FRMD4B: variants seen among roughly 807,000 people sequenced by gnomAD.
The protein encoded by FRMD4B is FERM domain containing 4B.
A neutral mutation model predicts 141.5 loss-of-function variants in FRMD4B; 74 were observed. The ratio of observed to expected loss-of-function variants is 0.52; its 90% CI spans 0.43 to 0.63. FRMD4B has a LOEUF of 0.63. Among genes scored for constraint, FRMD4B ranks in the 30% least tolerant of loss-of-function variants. FRMD4B has a pLI of 0.00. For missense variants in FRMD4B, 1,366 were observed against 1,253.4 expected (o/e 1.09, Z -1.36); for synonymous variants, 506 against 467.9 (o/e 1.08, Z -1.05).
chr3:69,309,285 C>T (rs1306711216), intron 3 of FRMD4B, among the ~76,000 whole-genome samples: 1 of 146,072 alleles, frequency 6.8e-6, no homozygotes, highest in African/African-American at 2.5e-5. Context: ...TGCACATCAC[C>T]ACACCTGGCT....
Position 69,182,648 on chromosome 3 carries a change from C to A in FRMD4B, c.1989G>T (p.Met663Ile). The stretch of plus-strand genomic sequence containing the variant: ...TTCGGGTAAGAACTGGCGTGGTGGG[C>A]ATGCTTCGTCCTCCCTGGGGCCGCC... The part of the protein sequence containing the change: ...LERRPQGGRS[M>I]PTTPVLTRNA... The change falls in exon 20 of 23, where the codon ATG (methionine) becomes ATT (isoleucine). Residue 663 changes from methionine (M) to isoleucine (I), a missense_variant. Physicochemically the swap from Met to Ile is conservative, Grantham distance 10. Coordinates refer to ENST00000398540, the MANE Select transcript of FRMD4B (RefSeq NM_015123.3). The A allele has an allele frequency of 1.2e-6, 2 of 1,613,834 alleles. No homozygotes were observed. The highest frequency in any genetic ancestry group is 2.2e-5 in the South Asian group (2 of 91,076).
At position 69,207,531 on chromosome 3, in the gene FRMD4B, C is replaced by CA. The variant is rs1264787935; in HGVS notation, c.876+8731dup. ...AGGAATAGAAAAAACAATGGACAGT[C>CA]AGGCACCGTGGCTCATGCCTGTAAT... is the stretch of plus-strand genomic sequence containing the variant. On this transcript the variant is annotated intron_variant, in intron 11 of 22. Coordinates refer to ENST00000398540, the MANE Select transcript of FRMD4B (RefSeq NM_015123.3). 7.2e-5 allele frequency among the ~76,000 whole-genome samples: 11 copies of CA among 152,154 alleles called. No individual in the cohort carries two copies. In the South Asian group the frequency reaches 1.2e-3, roughly 17 times the overall value.
chr3:69,323,844 T>C (rs1299077326), intron 1 of FRMD4B, among the ~76,000 whole-genome samples: 1 of 151,844 alleles, frequency 6.6e-6, no homozygotes, highest in Non-Finnish European at 1.5e-5. Context: ...TCTTAAGGGC[T>C]ATATTACTTC....
At chr3:69,462,901 A>G (rs1265783143) in intron 1 of FRMD4B, among the ~76,000 whole-genome samples, 1 of 152,196 alleles carries the variant, frequency 6.6e-6, no homozygotes, top group African/African-American at 2.4e-5. Context: ...CCCCTGGAAG[A>G]CCATGTAGTC....
At chr3:69,281,596 C>T (rs1400946273) in intron 5 of FRMD4B, among the ~76,000 whole-genome samples, 3 of 151,870 alleles carry the variant, frequency 2.0e-5, no homozygotes, top group East Asian at 1.9e-4. Flanking sequence ...GAGGCTGAGG[C>T]GGGTGGATCA....
intron 1 of FRMD4B, among the ~76,000 whole-genome samples, chr3:69,480,502 G>C (rs894558176): frequency 6.6e-6 from 1 of 152,222 alleles, no homozygotes; most frequent in African/African-American, 2.4e-5. Context: ...GGTATCCGCA[G>C]TGGTGGCTGC....
At chr3:69,434,240 A>G (rs1705225993) in intron 1 of FRMD4B, among the ~76,000 whole-genome samples, 1 of 152,234 alleles carries the variant, frequency 6.6e-6, no homozygotes, top group South Asian at 2.1e-4. Context: ...AAAGAGAAAT[A>G]AACAGATATC....
chr3:69,268,492 A>G (rs150585619), intron 5 of FRMD4B, among the ~76,000 whole-genome samples: 2 of 152,062 alleles, frequency 1.3e-5, no homozygotes, highest in African/African-American at 4.8e-5. Flanking sequence ...AACAGATTTT[A>G]ATTACAGCAT....
intron 1 of FRMD4B, among the ~76,000 whole-genome samples, chr3:69,513,458 G>A (rs1274283931): frequency 6.6e-6 from 1 of 152,132 alleles, no homozygotes; most frequent in East Asian, 1.9e-4. Flanking sequence ...CTTCACTGGA[G>A]AATTCTGCCA....
At chr3:69,504,417 G>A (rs960198996) in intron 1 of FRMD4B, among the ~76,000 whole-genome samples, 10 of 152,108 alleles carry the variant, frequency 6.6e-5, no homozygotes, top group Admixed American at 3.3e-4. Flanking sequence ...CACAATCTAA[G>A]TTTGGAACAT....
At chr3:69,227,557 G>C (rs2093266142) in intron 7 of FRMD4B, among the ~76,000 whole-genome samples, 1 of 151,914 alleles carries the variant, frequency 6.6e-6, no homozygotes, top group Non-Finnish European at 1.5e-5. Context: ...AGCTACTCAG[G>C]AGGCTGAGGC....
intron 14 of FRMD4B, 90 bp from the exon 15 acceptor site, chr3:69,195,454 A>C: frequency 2.0e-6 from 2 of 981,250 alleles, no homozygotes; most frequent in Non-Finnish European, 2.9e-6. Flanking sequence ...TAAAGCTGCT[A>C]TTAAATGGTA....
At chr3:69,356,236 T>G (rs973760434) in intron 1 of FRMD4B, among the ~76,000 whole-genome samples, 1 of 152,306 alleles carries the variant, frequency 6.6e-6, no homozygotes, top group South Asian at 2.1e-4. Context: ...GTATTGATCC[T>G]GGGTGTGCCT....
At chr3:69,222,050 TAG>T (rs1309911874) in intron 8 of FRMD4B, 127 bp from the exon 9 acceptor site, 1 of 657,242 alleles carries the variant, frequency 1.5e-6, no homozygotes, top group African/African-American at 1.8e-5. Flanking sequence ...GTTTGGTAGA[TAG>T]AGTTTGGCTT....
At chr3:69,273,200 A>G (rs531284153) in intron 5 of FRMD4B, among the ~76,000 whole-genome samples, 17 of 152,328 alleles carry the variant, frequency 1.1e-4, no homozygotes, top group Middle Eastern at 3.4e-3. Context: ...AATTCCCTCA[A>G]TGTAGTATAT....
chr3:69,481,205 G>A (rs1706118451), intron 1 of FRMD4B, among the ~76,000 whole-genome samples: 1 of 152,116 alleles, frequency 6.6e-6, no homozygotes, highest in Non-Finnish European at 1.5e-5. Context: ...TGCGCACGGT[G>A]TGCTGCACCC....
intron 2 of FRMD4B, among the ~76,000 whole-genome samples, chr3:69,432,282 T>A (rs1258060439): frequency 6.6e-6 from 1 of 152,164 alleles, no homozygotes; most frequent in East Asian, 1.9e-4. Context: ...TATAAATGCG[T>A]GTATAAATAT....
At chr3:69,211,153 T>G (rs975617869) in intron 11 of FRMD4B, among the ~76,000 whole-genome samples, 3 of 152,222 alleles carry the variant, frequency 2.0e-5, no homozygotes, top group African/African-American at 7.2e-5. Context: ...TTTTATTGTC[T>G]GTCTTCTCAC....
At chr3:69,436,221 T>G (rs1047867972) in intron 1 of FRMD4B, among the ~76,000 whole-genome samples, 16 of 152,192 alleles carry the variant, frequency 1.1e-4, no homozygotes, top group African/African-American at 3.6e-4. Context: ...ATGATAAATA[T>G]CTAATAATAA....
Sources: gnomAD v4.1 joint callset for allele counts (sites outside exome capture counted in the v4.1 genomes callset) on GRCh38, gnomAD v4.1.1 for gene constraint, MANE v1.5 for transcripts, NCBI Gene and HGNC (gene_info 2026-07-23, HGNC 2026-07-21) for gene names.